The following PPP1R9B variants were observed in gnomAD, a reference collection of about 807,000 sequenced individuals.
PPP1R9B encodes the protein neurabin-2.
In PPP1R9B, 17 loss-of-function variants were observed where a neutral mutation model predicts 75.8. The ratio of observed to expected loss-of-function variants is 0.22; its 90% CI spans 0.15 to 0.34. The LOEUF (loss-of-function observed/expected upper bound fraction) is 0.34. Ranked by LOEUF, PPP1R9B falls within the 10% of genes least tolerant of loss-of-function variation. PPP1R9B has a pLI of 1.00. For synonymous variants in PPP1R9B, 509 were observed against 535.4 expected (o/e 0.95, Z 0.68); for missense variants, 875 against 1,196.0 (o/e 0.73, Z 3.96).
intron 1 of PPP1R9B, among the ~76,000 whole-genome samples, chr17:50,146,424 C>G (rs1224029924): frequency 1.3e-5 from 2 of 152,162 alleles, no homozygotes; most frequent in East Asian, 3.9e-4. Context: ...GACTAGGACC[C>G]CATCTCCCCC....
chr17:50,135,504 A>C (rs1448241796), intron 9 of PPP1R9B, 49 bp downstream of exon 9: 9 of 1,589,274 alleles, frequency 5.7e-6, no homozygotes, highest in Non-Finnish European at 6.9e-6. Context: ...TAGGGGCTTC[A>C]ATGCTGCTCC....
rs1347595157 is a variant in PPP1R9B, at chr17:50,144,999, A to G, written c.1504+114T>C. The G allele has an allele frequency of 2.3e-6, 3 of 1,301,020 alleles. No individual in the cohort carries two copies. The East Asian group carries it at 7.6e-5, about 33-fold the overall frequency. 80.6% of individuals were successfully genotyped at this position (1,301,020 alleles called of 1,614,324 possible). A position where few individuals can be genotyped will look rare whatever the true frequency, so the allele number is the denominator to read the frequency against. ...CACCAAGGGCCTGAGTCAGAGGGAG[A>G]GGCCCAGCAAGTCTGTGGGAGCCCC... On this transcript the variant is annotated intron_variant, in intron 2 of 9. Coordinates refer to ENST00000612501, the MANE Select transcript of PPP1R9B (RefSeq NM_032595.5).
rs1309725431 is a variant in PPP1R9B at position 50,150,020 on chromosome 17, G to A, written c.494C>T (p.Ala165Val). 6.7e-6 allele frequency: 10 copies of A among 1,481,514 alleles called. No individual in the cohort carries two copies. The highest frequency in any genetic ancestry group is 8.9e-6 in the Non-Finnish European group (10 of 1,125,900). 91.8% of individuals were successfully genotyped at this position (1,481,514 alleles called of 1,614,324 possible). A position where few individuals can be genotyped will look rare whatever the true frequency, so the allele number is the denominator to read the frequency against. Reference protein sequence around the residue: ...APAAAGGDKEAAARRLLRQER... With the variant: ...APAAAGGDKEVAARRLLRQER... ...CTGCCTCAGCAGCCGCCGCGCCGCG[G>A]CCTCCTTGTCGCCGCCTGCGGCCGC... Residue 165 changes from alanine (A) to valine (V), a missense_variant, in exon 1 of 10, where the codon GCC becomes GTC. Ala to Val is a moderately conservative substitution (Grantham distance 64). This residue lies in a region of PPP1R9B where 449 missense variants were observed against 475.0 expected (regional missense o/e 0.95). Coordinates refer to ENST00000612501, the MANE Select transcript of PPP1R9B (RefSeq NM_032595.5). The surrounding 1 kb of genome is among the most constrained non-coding windows in gnomAD (Gnocchi z 8.7).
chr17:50,148,009 G>T (rs1044196375), intron 1 of PPP1R9B, among the ~76,000 whole-genome samples: 1 of 152,190 alleles, frequency 6.6e-6, no homozygotes, highest in Non-Finnish European at 1.5e-5. Context: ...CCAGGGACCT[G>T]GACACTTCCA....
chr17:50,135,457 G>A (rs1411569473), intron 9 of PPP1R9B, 73 bp from the exon 10 acceptor site: 3 of 1,579,000 alleles, frequency 1.9e-6, no homozygotes, highest in Non-Finnish European at 1.7e-6. Flanking sequence ...GCCCCCCGGT[G>A]AGGACATGGC....
rs1598251670 is a variant in PPP1R9B, at chr17:50,149,749, C to T, written c.765G>A (p.Pro255=). 1 of 1,404,930 alleles carries T rather than the reference C, an allele frequency of 7.1e-7. No individual in the cohort carries two copies. Among genetic ancestry groups the T allele is most frequent in the South Asian group, 1.6e-5 (1 of 63,302 alleles). 87.0% of individuals were successfully genotyped at this position (1,404,930 alleles called of 1,614,324 possible). A position where few individuals can be genotyped will look rare whatever the true frequency, so the allele number is the denominator to read the frequency against. Residue 255 remains proline, a synonymous_variant, in exon 1 of 10, where the codon CCG becomes CCA. Transcript: ENST00000612501. The surrounding 1 kb of genome is among the most constrained non-coding windows in gnomAD (Gnocchi z 7.2). ...CCCCCGACGGGGCGGGCGGCGGCGG[C>T]GGCGGGGGCTGGAACACCCGGGACC... The part of the protein sequence containing the change: ...SKRSRVFQPP[P]PPPPAPSGDA...
At chr17:50,141,004 A>C (rs1485420617) in intron 4 of PPP1R9B, among the ~76,000 whole-genome samples, 3 of 152,142 alleles carry the variant, frequency 2.0e-5, no homozygotes, top group Admixed American at 6.5e-5. Context: ...GAAGGAGAAG[A>C]AGCCCTAGAG....
intron 9 of PPP1R9B, 41 bp from the exon 10 acceptor site, chr17:50,135,425 A>G (rs370770460): frequency 9.8e-5 from 157 of 1,604,272 alleles, no homozygotes; most frequent in African/African-American, 1.3e-5. Context: ...TCTGGACACC[A>G]GGCATGATCC....
chr17:50,135,754 G>T, intron 8 of PPP1R9B, 105 bp from the exon 9 acceptor site: 1 of 1,088,302 alleles, frequency 9.2e-7, no homozygotes, highest in Non-Finnish European at 1.3e-6. Flanking sequence ...GTCCTTCCCT[G>T]TTCTCAGGTC....
At chr17:50,143,483 G>T in intron 3 of PPP1R9B, 115 bp downstream of exon 3, 1 of 1,316,446 alleles carries the variant, frequency 7.6e-7, no homozygotes, top group Non-Finnish European at 1.1e-6. Flanking sequence ...TGCACACACA[G>T]CACGGAAATC....
rs550380013 is a variant in PPP1R9B, at chr17:50,146,706, T to C, written c.1372-1461A>G. 3.3e-5 allele frequency among the ~76,000 whole-genome samples: 5 copies of C among 152,322 alleles called. No homozygotes were observed. The South Asian group carries it at 1.0e-3, about 32-fold the overall frequency. On this transcript the variant is annotated intron_variant, in intron 1 of 9. Transcript: ENST00000612501. ...GGCTCCAGCCCTTAAAGCTCATCTG[T>C]CCATTGCACCCCTCGAACAAACAGG... is the stretch of plus-strand genomic sequence containing the variant.
Position 50,150,158 on chromosome 17 carries a change from T to C in PPP1R9B, c.356A>G (p.Glu119Gly). The change falls in exon 1 of 10, where the codon GAG becomes GGG. Residue 119 changes from glutamate to glycine, a missense_variant. Physicochemically the swap from Glu to Gly is moderately conservative, Grantham distance 98. This residue lies in a region of PPP1R9B where 145 missense variants were observed against 226.1 expected (regional missense o/e 0.64). Coordinates refer to ENST00000612501, the MANE Select transcript of PPP1R9B (RefSeq NM_032595.5). This position sits in a 1 kb window ranked among gnomAD's most constrained non-coding sequence, Gnocchi z 8.7. ...ALLKLGTSVS[E>G]RVSRFDSKPA... The stretch of plus-strand genomic sequence containing the variant: ...CTTGGAGTCGAAGCGGCTCACGCGC[T>C]CCGACACGCTGGTGCCCAGCTTCAG... 6.9e-7 allele frequency: 1 copy of C among 1,447,724 alleles called. No homozygotes were observed. Among genetic ancestry groups the C allele is most frequent in the Non-Finnish European group, 9.1e-7 (1 of 1,103,190 alleles). 89.7% of individuals were successfully genotyped at this position (1,447,724 alleles called of 1,614,324 possible). A position where few individuals can be genotyped will look rare whatever the true frequency, so the allele number is the denominator to read the frequency against.
rs1598246034 is a variant in PPP1R9B at position 50,140,002 on chromosome 17, G to A, written c.1866+91C>T. 8 of 1,416,286 alleles carry A rather than the reference G, an allele frequency of 5.6e-6. 1 individual carries two copies. The highest frequency in any genetic ancestry group is 4.0e-5 in the South Asian group (3 of 74,270). 87.7% of individuals were successfully genotyped at this position (1,416,286 alleles called of 1,614,324 possible). A position where few individuals can be genotyped will look rare whatever the true frequency, so the allele number is the denominator to read the frequency against. ...GAATGGCACTGTGGGCTTTTTACTA[G>A]GGCAGGGGAAGCAGTAGAGGCAGAT... is the stretch of plus-strand genomic sequence containing the variant. On this transcript the variant is annotated intron_variant, in intron 5 of 9. Transcript: ENST00000612501.
At chr17:50,141,482 G>A in intron 3 of PPP1R9B, 109 bp from the exon 4 acceptor site, 9 of 629,646 alleles carry the variant, frequency 1.4e-5, no homozygotes, top group Non-Finnish European at 2.2e-5. Flanking sequence ...TACATAGTGA[G>A]AACTCATCTC....
At chr17:50,140,587 G>T (rs1201153396) in intron 4 of PPP1R9B, among the ~76,000 whole-genome samples, 1 of 152,208 alleles carries the variant, frequency 6.6e-6, no homozygotes, top group Non-Finnish European at 1.5e-5. Context: ...GGGATGGGCT[G>T]CGGAGGTGTT....
chr17:50,140,152 G>C lies in PPP1R9B; in HGVS notation c.1807C>G (p.Arg603Gly). 6.2e-7 allele frequency: 1 copy of C among 1,612,906 alleles called. No homozygotes were observed. Among genetic ancestry groups the C allele is most frequent in the Non-Finnish European group, 8.5e-7 (1 of 1,179,538 alleles). The change falls in exon 5 of 10, where the codon CGA (arginine) becomes GGA (glycine). Residue 603 changes from arginine to glycine, a missense_variant. By Grantham distance (125) the Arg-to-Gly change is moderately radical. Around this residue, in one of 4 missense-constraint regions of PPP1R9B, gnomAD observed 218 missense variants for 334.6 expected, o/e 0.65. Coordinates refer to ENST00000612501, the MANE Select transcript of PPP1R9B (RefSeq NM_032595.5). ...QLIQQTLEQERWQREMMEQRY... is the reference protein window; with the variant it reads ...QLIQQTLEQEGWQREMMEQRY... Reference sequence around the variant, plus strand: ...TGCTCCATCATCTCCCGCTGCCATCGCTCCTGTTCCAAAGTCTGCTGAATT... The same window carrying C: ...TGCTCCATCATCTCCCGCTGCCATCCCTCCTGTTCCAAAGTCTGCTGAATT...
rs1228852371 is a variant in PPP1R9B at position 50,142,332 on chromosome 17, C to A, written c.1626-959G>T. On this transcript the variant is annotated intron_variant, in intron 3 of 9. Coordinates refer to ENST00000612501, the MANE Select transcript of PPP1R9B (RefSeq NM_032595.5). The surrounding 1 kb of genome is among the most constrained non-coding windows in gnomAD (Gnocchi z 4.1). The stretch of plus-strand genomic sequence containing the variant: ...GCCTATTGTCAACAGCTCACCCCAA[C>A]ACATGCCACTCCCAGGTGGGCATGA... 1.3e-5 allele frequency among the ~76,000 whole-genome samples: 2 copies of A among 152,210 alleles called. No homozygotes were observed. Among genetic ancestry groups the A allele is most frequent in the African/African-American group, 4.8e-5 (2 of 41,438 alleles).
Position 50,149,128 on chromosome 17 carries a change from G to C in PPP1R9B, c.1371+15C>G, listed in dbSNP as rs754948998. The C allele has an allele frequency of 1.9e-4, 277 of 1,423,292 alleles. 1 individual carries two copies. The highest frequency in any genetic ancestry group is 1.6e-3 in the Admixed American group (58 of 36,838). 88.2% of individuals were successfully genotyped at this position (1,423,292 alleles called of 1,614,324 possible). A position where few individuals can be genotyped will look rare whatever the true frequency, so the allele number is the denominator to read the frequency against. On this transcript the variant is annotated intron_variant, in intron 1 of 9. Transcript: ENST00000612501. The surrounding 1 kb of genome is among the most constrained non-coding windows in gnomAD (Gnocchi z 7.2). Reference sequence around the variant, plus strand: ...GCAGGGGCGGCGCGGGGGCAGGGCGGGGGGGCTCACTTACTTGGATGGGCG... The same window carrying C: ...GCAGGGGCGGCGCGGGGGCAGGGCGCGGGGGCTCACTTACTTGGATGGGCG...
chr17:50,134,373 C>G lies in PPP1R9B; in HGVS notation c.*958G>C, dbSNP rs577044554. On this transcript the variant is annotated 3_prime_UTR_variant, in exon 10 of 10. Transcript: ENST00000612501. ...GACTCCCTGCAATGTCAGTAGGCTT[C>G]CAGGCATCGCCCTGGGCTGGGCAGA... The G allele has an allele frequency of 6.5e-6, 1 of 152,848 alleles. No homozygotes were observed. The highest frequency in any genetic ancestry group is 2.1e-4 in the South Asian group (1 of 4,828). 9.5% of individuals were successfully genotyped at this position (152,848 alleles called of 1,614,324 possible).
Sources: allele counts gnomAD v4.1 joint callset (sites outside exome capture counted in the v4.1 genomes callset), GRCh38; gene constraint gnomAD v4.1.1; regional missense constraint gnomAD v4.1.1; non-coding constraint Gnocchi (gnomAD v3.1); transcripts MANE v1.5; gene names NCBI Gene and HGNC (gene_info 2026-07-23, HGNC 2026-07-21).